ASTN2: variants seen among roughly 807,000 people sequenced by gnomAD.
ASTN2 encodes astrotactin 2, also known as astrotactin-2.
In ASTN2, 54 loss-of-function variants were observed where a neutral mutation model predicts 139.8. That is an observed-to-expected ratio of 0.39 (90% CI 0.31 to 0.48). ASTN2 has a LOEUF of 0.48. Ranked by LOEUF, ASTN2 falls within the 20% of genes least tolerant of loss-of-function variation. ASTN2 has a pLI of 0.95. For synonymous variants in ASTN2, 756 were observed against 719.5 expected, an observed-to-expected ratio of 1.05 and a Z score of -0.81; for missense variants, 1,565 against 1,725.1, an observed-to-expected ratio of 0.91 and a Z score of 1.64.
rs541057962 is a variant in ASTN2, at chr9:116,473,719, A to G, written c.3497+13640T>C. Reference sequence around the variant, plus strand: ...TCGAGACCAGCCCAGCTGGGCCAACATGGCAAAATGCCGTCTCTACTAAAA... The same window carrying G: ...TCGAGACCAGCCCAGCTGGGCCAACGTGGCAAAATGCCGTCTCTACTAAAA... On this transcript the variant is annotated intron_variant, in intron 20 of 22. Coordinates refer to ENST00000313400, the MANE Select transcript of ASTN2 (RefSeq NM_001365068.1). 2.0e-5 allele frequency among the ~76,000 whole-genome samples: 3 copies of G among 152,298 alleles called. No individual in the cohort carries two copies. In the South Asian group the frequency reaches 6.2e-4, roughly 32 times the overall value.
chr9:116,790,328 A>G (rs980711833), intron 13 of ASTN2, among the ~76,000 whole-genome samples: 21 of 152,130 alleles, frequency 1.4e-4, no homozygotes, highest in African/African-American at 4.8e-4. Context: ...TGAGGCTTAG[A>G]AAGGCAATTA....
intron 1 of ASTN2, among the ~76,000 whole-genome samples, chr9:117,317,222 T>C (rs1828171836): frequency 6.6e-6 from 1 of 152,116 alleles, no homozygotes; most frequent in Non-Finnish European, 1.5e-5. Flanking sequence ...GCCTTTTATG[T>C]TGAATAGCTT....
At chr9:116,528,904 T>A (rs563462047) in intron 19 of ASTN2, among the ~76,000 whole-genome samples, 80 of 152,160 alleles carry the variant, frequency 5.3e-4, no homozygotes, top group Non-Finnish European at 9.1e-4. Flanking sequence ...TTTGTGAGCT[T>A]CTGCCTAGAC....
At chr9:117,255,610 G>GGA (rs1293481583) in intron 2 of ASTN2, among the ~76,000 whole-genome samples, 3 of 152,186 alleles carry the variant, frequency 2.0e-5, no homozygotes, top group Non-Finnish European at 4.4e-5. Context: ...TAGAGGTGAA[G>GGA]GAGAGTCTTC....
chr9:116,623,678 C>G (rs540313810), intron 17 of ASTN2, among the ~76,000 whole-genome samples: 1 of 152,148 alleles, frequency 6.6e-6, no homozygotes, highest in African/African-American at 2.4e-5. Context: ...AACAACTTCA[C>G]GATGAAACTA....
chr9:117,170,090 A>G (rs1830756838), intron 3 of ASTN2, among the ~76,000 whole-genome samples: 1 of 152,126 alleles, frequency 6.6e-6, no homozygotes, highest in Non-Finnish European at 1.5e-5. Flanking sequence ...AGGACTAAAT[A>G]TGAAAATTCA....
At chr9:116,761,103 C>T (rs990780248) in intron 13 of ASTN2, among the ~76,000 whole-genome samples, 1 of 152,164 alleles carries the variant, frequency 6.6e-6, no homozygotes, top group Non-Finnish European at 1.5e-5. Flanking sequence ...GCTGTTCATT[C>T]GTGGTTGTGC....
intron 6 of ASTN2, among the ~76,000 whole-genome samples, chr9:117,013,360 T>C (rs1039417507): frequency 1.3e-5 from 2 of 151,956 alleles, no homozygotes; most frequent in Admixed American, 1.3e-4. Flanking sequence ...TTACTGACTG[T>C]TCTGAGTTCC....
chr9:117,405,413 G>T (rs1370864140), intron 1 of ASTN2, among the ~76,000 whole-genome samples: 1 of 152,184 alleles, frequency 6.6e-6, no homozygotes, highest in East Asian at 1.9e-4. Context: ...CAGCACTGTA[G>T]AAAGAATAGA....
intron 1 of ASTN2, among the ~76,000 whole-genome samples, chr9:117,299,206 T>C (rs543354375): frequency 6.6e-4 from 101 of 152,298 alleles, no homozygotes; most frequent in African/African-American, 2.3e-3. Context: ...AGAGGTGATT[T>C]TAATCATATT....
At chr9:117,060,922 AG>A (rs1330437801) in intron 5 of ASTN2, among the ~76,000 whole-genome samples, 6 of 152,108 alleles carry the variant, frequency 3.9e-5, no homozygotes, top group African/African-American at 1.4e-4. Context: ...AAGAAAAAAA[AG>A]AAAGAAAAAA....
chr9:116,633,789 T>C (rs1588118303), intron 17 of ASTN2, among the ~76,000 whole-genome samples: 1 of 152,076 alleles, frequency 6.6e-6, no homozygotes, highest in South Asian at 2.1e-4. Context: ...AAAATAAAGG[T>C]CACAGGACAG....
At chr9:116,661,149 C>A (rs973793498) in intron 16 of ASTN2, among the ~76,000 whole-genome samples, 1 of 152,044 alleles carries the variant, frequency 6.6e-6, no homozygotes, top group African/African-American at 2.4e-5. Flanking sequence ...AGGAATCAGT[C>A]GGCATTGAAG....
At chr9:117,328,578 G>A (rs533892119) in intron 1 of ASTN2, among the ~76,000 whole-genome samples, 1 of 152,100 alleles carries the variant, frequency 6.6e-6, no homozygotes, top group African/African-American at 2.4e-5. Flanking sequence ...CGGTGGAAAA[G>A]CACTTTCCCA....
intron 10 of ASTN2, among the ~76,000 whole-genome samples, chr9:116,882,828 T>TAA (rs201560268): frequency 0.32 from 45,908 of 144,150 alleles, 7,630 homozygotes; most frequent in East Asian, 0.55. Context: ...CCTTGACTCT[T>TAA]AAAAAAAAAA....
intron 10 of ASTN2, among the ~76,000 whole-genome samples, chr9:116,970,018 C>T (rs553704407): frequency 7.9e-5 from 12 of 152,152 alleles, no homozygotes; most frequent in South Asian, 4.1e-4. Flanking sequence ...CAGCTTCTGG[C>T]GGCAGCTGGC....
chr9:116,634,390 A>T (rs1856957284), intron 17 of ASTN2, among the ~76,000 whole-genome samples: 1 of 151,942 alleles, frequency 6.6e-6, no homozygotes. Flanking sequence ...GGAGATCGAG[A>T]CCATCCTGGC....
intron 20 of ASTN2, among the ~76,000 whole-genome samples, chr9:116,457,914 G>A (rs1375348903): frequency 6.6e-6 from 1 of 151,970 alleles, no homozygotes; most frequent in Non-Finnish European, 1.5e-5. Context: ...GTTTATTTCA[G>A]CACTATTCAC....
chr9:117,243,107 T>C (rs1389517081), intron 2 of ASTN2, among the ~76,000 whole-genome samples: 1 of 151,952 alleles, frequency 6.6e-6, no homozygotes, highest in Admixed American at 6.5e-5. Context: ...ATTGCTATTC[T>C]TCTTTCCTAA....
Sources: allele counts gnomAD v4.1 joint callset (sites outside exome capture counted in the v4.1 genomes callset), GRCh38; gene constraint gnomAD v4.1.1; transcripts MANE v1.5; gene names NCBI Gene and HGNC (gene_info 2026-07-23, HGNC 2026-07-21).